Variants in ADAMTSL1 observed in about 807,000 individuals in gnomAD.
ADAMTSL1 encodes the protein ADAMTS-like protein 1.
A neutral mutation model predicts 201.8 loss-of-function variants in ADAMTSL1; 126 were observed. The ratio of observed to expected loss-of-function variants is 0.62; its 90% CI spans 0.54 to 0.72. The LOEUF (loss-of-function observed/expected upper bound fraction) is 0.72. Ranked by LOEUF, ADAMTSL1 falls within the 30% of genes least tolerant of loss-of-function variation. ADAMTSL1 has a pLI of 0.00. For synonymous variants in ADAMTSL1, 1,121 were observed against 903.4 expected (o/e 1.24, Z -4.32); for missense variants, 2,679 against 2,277.8 (o/e 1.18, Z -3.59).
At chr9:18,068,613 CA>C (rs1469196334) in intron 1 of ADAMTSL1, among the ~76,000 whole-genome samples, 2 of 152,122 alleles carry the variant, frequency 1.3e-5, no homozygotes, top group Non-Finnish European at 2.9e-5. Flanking sequence ...AAGGGAAACG[CA>C]AACCAAGCAG....
chr9:18,199,863 C>G (rs1361972124), intron 2 of ADAMTSL1, among the ~76,000 whole-genome samples: 2 of 151,154 alleles, frequency 1.3e-5, no homozygotes, highest in African/African-American at 2.4e-5. Flanking sequence ...ATAAATTTCA[C>G]AATACAAATG....
intron 1 of ADAMTSL1, among the ~76,000 whole-genome samples, chr9:18,137,381 C>G (rs2131990178): frequency 6.6e-6 from 1 of 152,300 alleles, no homozygotes; most frequent in South Asian, 2.1e-4. Context: ...CTGGGACTGG[C>G]TGAAGCCTTG....
At chr9:18,627,078 T>C (rs1826435605) in intron 5 of ADAMTSL1, among the ~76,000 whole-genome samples, 1 of 152,036 alleles carries the variant, frequency 6.6e-6, no homozygotes, top group Admixed American at 6.6e-5. Flanking sequence ...CCTCCTGGAC[T>C]CAGGTGATCC....
rs147838465 is a variant in ADAMTSL1 at position 18,439,905 on chromosome 9, G to A, written c.208-64924G>A. On this transcript the variant is annotated intron_variant, in intron 2 of 29. Transcript: ENST00000680146. Reference sequence around the variant, plus strand: ...TATAATCAGAAAGTGGTTGACTCCTGATTCCTCGTGTGGTCTGAGCCTAAG... The same window carrying A: ...TATAATCAGAAAGTGGTTGACTCCTAATTCCTCGTGTGGTCTGAGCCTAAG... 5.0e-3 allele frequency among the ~76,000 whole-genome samples: 767 copies of A among 152,254 alleles called. 6 individuals are homozygous for A. Among genetic ancestry groups the A allele is most frequent in the Admixed American group, 9.4e-3 (144 of 15,294 alleles).
intron 2 of ADAMTSL1, among the ~76,000 whole-genome samples, chr9:18,336,636 T>A (rs1158517079): frequency 6.6e-6 from 1 of 152,004 alleles, no homozygotes; most frequent in Non-Finnish European, 1.5e-5. Context: ...TATAGATGGG[T>A]GAAGTGGAAG....
intron 1 of ADAMTSL1, among the ~76,000 whole-genome samples, chr9:17,970,890 C>G (rs1252425079): frequency 1.3e-5 from 2 of 151,998 alleles, no homozygotes; most frequent in Non-Finnish European, 2.9e-5. Flanking sequence ...ATGTGTCTAG[C>G]ACAGACCTTG....
At chr9:18,304,185 C>A (rs138159432) in intron 2 of ADAMTSL1, among the ~76,000 whole-genome samples, 3 of 151,622 alleles carry the variant, frequency 2.0e-5, no homozygotes, top group Non-Finnish European at 4.4e-5. Flanking sequence ...TGTTCAAACT[C>A]ATTCTCACAT....
Position 18,675,925 on chromosome 9 carries a change from C to G in ADAMTSL1, c.1136+18C>G. 6.2e-7 allele frequency: 1 copy of G among 1,610,214 alleles called. No homozygotes were observed. Among genetic ancestry groups the G allele is most frequent in the South Asian group, 1.1e-5 (1 of 90,972 alleles). The stretch of plus-strand genomic sequence containing the variant: ...CTTCCTCGGTACGTAAATCAATCAT[C>G]CTGATGTTAGAATTAGCAAATTAGT... On this transcript the variant is annotated intron_variant, in intron 10 of 28. Coordinates refer to ENST00000380548, the MANE Select transcript of ADAMTSL1 (RefSeq NM_001040272.6).
At chr9:17,965,156 C>G (rs1303413417) in intron 1 of ADAMTSL1, among the ~76,000 whole-genome samples, 1 of 152,076 alleles carries the variant, frequency 6.6e-6, no homozygotes, top group Non-Finnish European at 1.5e-5. Context: ...TTTCTGCAGG[C>G]TTGTAATTTA....
At chr9:18,053,829 G>C (rs1822050707) in intron 1 of ADAMTSL1, among the ~76,000 whole-genome samples, 1 of 152,204 alleles carries the variant, frequency 6.6e-6, no homozygotes, top group African/African-American at 2.4e-5. Flanking sequence ...GTAACTCTTG[G>C]TGTGTATCGT....
chr9:18,726,386 CT>C, intron 15 of ADAMTSL1, among the ~76,000 whole-genome samples: 1 of 151,662 alleles, frequency 6.6e-6, no homozygotes, highest in East Asian at 1.9e-4. Flanking sequence ...AGGGGGGTGC[CT>C]GTAGTCATAG....
chr9:18,204,881 T>C (rs1167990734), intron 2 of ADAMTSL1, among the ~76,000 whole-genome samples: 1 of 152,186 alleles, frequency 6.6e-6, no homozygotes, highest in Non-Finnish European at 1.5e-5. Flanking sequence ...TTTGAAAACA[T>C]CTTTGTTCAT....
At chr9:18,354,061 A>ATC (rs1554664938) in intron 2 of ADAMTSL1, among the ~76,000 whole-genome samples, 1 of 148,134 alleles carries the variant, frequency 6.8e-6, no homozygotes, top group African/African-American at 2.5e-5. Flanking sequence ...ATATATATAT[A>ATC]TATATATACC....
intron 15 of ADAMTSL1, among the ~76,000 whole-genome samples, chr9:18,728,328 A>G (rs1185335249): frequency 2.0e-5 from 3 of 152,162 alleles, no homozygotes; most frequent in African/African-American, 4.8e-5. Flanking sequence ...CTTAACATCT[A>G]TGTGATCGGA....
In ADAMTSL1 at chr9:18,624,597, G is replaced by A. The variant is rs1226559010; in HGVS notation, c.601+2228G>A. On this transcript the variant is annotated intron_variant, in intron 5 of 28. Coordinates refer to ENST00000380548, the MANE Select transcript of ADAMTSL1 (RefSeq NM_001040272.6). ...TGGGAGCATGTTTTTAATGGTAAAG[G>A]TGCTTCTTTATTCTCATGCCCATAC... Among the ~76,000 whole-genome samples the A allele has an allele frequency of 2.6e-5, 4 of 152,234 alleles. No homozygotes were observed. In the South Asian group the frequency reaches 6.2e-4, roughly 24 times the overall value.
At chr9:18,822,845 T>C (rs77512148) in intron 21 of ADAMTSL1, among the ~76,000 whole-genome samples, 5,830 of 152,344 alleles carry the variant, frequency 0.038, 154 homozygotes, top group South Asian at 0.096. Flanking sequence ...TACACTCCGA[T>C]GTTGAGGTAT....
intron 4 of ADAMTSL1, among the ~76,000 whole-genome samples, chr9:18,599,668 T>C (rs1157037663): frequency 6.6e-6 from 1 of 151,988 alleles, no homozygotes; most frequent in Non-Finnish European, 1.5e-5. Flanking sequence ...AAAGCAGAAG[T>C]TGCAAACTAG....
At chr9:18,644,047 A>T (rs1827620168) in intron 7 of ADAMTSL1, among the ~76,000 whole-genome samples, 1 of 151,126 alleles carries the variant, frequency 6.6e-6, no homozygotes, top group Non-Finnish European at 1.5e-5. Flanking sequence ...GTTTTCTTCA[A>T]TTTTTTCATC....
In ADAMTSL1 at chr9:18,897,840, G is replaced by GGGCTGA. The variant is rs1376710245; in HGVS notation, c.4851+5252_4851+5257dup. 3.3e-5 allele frequency among the ~76,000 whole-genome samples: 5 copies of GGGCTGA among 152,258 alleles called. No homozygotes were observed. The East Asian group carries it at 9.7e-4, about 29-fold the overall frequency. ...ACTTCTCCTGCAAGGGCACAGAAGT[G>GGGCTGA]GGCTGAGGCTGAGATGGTTGAATTG... On this transcript the variant is annotated intron_variant, in intron 26 of 28. Coordinates refer to ENST00000380548, the MANE Select transcript of ADAMTSL1 (RefSeq NM_001040272.6).
Sources: gnomAD v4.1 joint callset for allele counts (sites outside exome capture counted in the v4.1 genomes callset) on GRCh38, gnomAD v4.1.1 for gene constraint, MANE v1.5 for transcripts, NCBI Gene and HGNC (gene_info 2026-07-23, HGNC 2026-07-21) for gene names.